The following MRPL46 variants were observed in gnomAD, a reference collection of about 807,000 sequenced individuals.
MRPL46 encodes mitochondrial ribosomal protein L46.
MRPL46 carries 26 observed loss-of-function variants against 31.0 expected under a neutral mutation model. The observed-to-expected ratio is 0.84, with a 90% CI of 0.61 to 1.16. MRPL46 has a LOEUF of 1.16. Among genes scored for constraint, MRPL46 ranks in the 50% most tolerant of loss-of-function variants. The pLI, the probability that MRPL46 is intolerant of heterozygous loss-of-function variation, is 0.00. For synonymous variants in MRPL46, 159 were observed against 141.3 expected, an observed-to-expected ratio of 1.13 and a Z score of -0.89; for missense variants, 395 against 340.0, an observed-to-expected ratio of 1.16 and a Z score of -1.27.
Position 88,459,754 on chromosome 15 carries a change from G to A in MRPL46, c.699C>T (p.Phe233=). 6.2e-7 allele frequency: 1 copy of A among 1,614,206 alleles called. No homozygotes were observed. Among genetic ancestry groups the A allele is most frequent in the Non-Finnish European group, 8.5e-7 (1 of 1,180,040 alleles). The change falls in exon 4 of 4, where the codon TTC becomes TTT. Residue 233 remains phenylalanine (F), a synonymous_variant. Transcript: ENST00000312475. ...CTCCAGTTAATAGCAGTGCTTTGAA[G>A]AAGAACACCTTGGCTCCGAGGTTAC... ...TESNLGAKVF[F]FKALLLTGDF... is the part of the protein sequence containing the mutation.
intron 1 of MRPL46, among the ~76,000 whole-genome samples, chr15:88,466,405 G>A (rs560574871): frequency 1.3e-5 from 2 of 152,248 alleles, no homozygotes; most frequent in African/African-American, 4.8e-5. Context: ...TTTGGTTACT[G>A]ACTGATCCCC....
At chr15:88,464,605 C>A in intron 3 of MRPL46, 98 bp downstream of exon 3, 1 of 975,794 alleles carries the variant, frequency 1.0e-6, no homozygotes, top group Non-Finnish European at 1.5e-6. Flanking sequence ...TTAACCTTCC[C>A]ACCCCCACCC....
chr15:88,459,894 G>A, intron 3 of MRPL46, 31 bp from the exon 4 acceptor site: 1 of 1,612,586 alleles, frequency 6.2e-7, no homozygotes, highest in Non-Finnish European at 8.5e-7. Context: ...AATCACAATT[G>A]GAAGGTAAGG....
intron 3 of MRPL46, chr15:88,464,349 G>A (rs2055502663): frequency 7.6e-6 from 2 of 262,102 alleles, no homozygotes; most frequent in African/African-American, 4.7e-5. Context: ...ATGAGGTCAA[G>A]GACAATTCTG....
intron 3 of MRPL46, 140 bp from the exon 4 acceptor site, chr15:88,460,003 A>T: frequency 9.2e-7 from 1 of 1,081,444 alleles, no homozygotes. Context: ...GACTAGAGCC[A>T]TTCCTGAAAA....
At chr15:88,464,425 C>A in intron 3 of MRPL46, 1 of 376,716 alleles carries the variant, frequency 2.7e-6, no homozygotes, top group Non-Finnish European at 4.8e-6. Context: ...GATAAGAAGA[C>A]AAGCAGGCTG....
In MRPL46 at chr15:88,467,171, C is replaced by T. The variant is rs764597330; in HGVS notation, c.207G>A (p.Glu69=). ...VSKPLTPLQE[E]MASLLQQIEI... The stretch of plus-strand genomic sequence containing the variant: ...CCACCTGCTGCAGTAGAGACGCCAT[C>T]TCTTCCTGCAATGGGGTCAACGGCT... Residue 69 remains glutamate, a synonymous_variant, in exon 1 of 4, where the codon GAG becomes GAA. Coordinates refer to ENST00000312475, the MANE Select transcript of MRPL46 (RefSeq NM_022163.4). 6.2e-7 allele frequency: 1 copy of T among 1,614,078 alleles called. No homozygotes were observed. The highest frequency in any genetic ancestry group is 8.5e-7 in the Non-Finnish European group (1 of 1,179,938).
rs369675051 is a variant in MRPL46 at position 88,466,476 on chromosome 15, C to T, written c.228+674G>A. 5.9e-5 allele frequency among the ~76,000 whole-genome samples: 9 copies of T among 152,234 alleles called. No homozygotes were observed. In the East Asian group the frequency reaches 1.2e-3, roughly 20 times the overall value. ...GCTACTTCTGCCTTATTCATTACAGCATCTCTATCACTTAACATACTCTCT... is the reference window on the plus strand; with the variant it reads ...GCTACTTCTGCCTTATTCATTACAGTATCTCTATCACTTAACATACTCTCT... On this transcript the variant is annotated intron_variant, in intron 1 of 3. Transcript: ENST00000312475.
chr15:88,462,527 G>A (rs377224569), intron 3 of MRPL46: 33 of 152,270 alleles, frequency 2.2e-4, no homozygotes, highest in African/African-American at 7.0e-4. Flanking sequence ...CTCACTAGAC[G>A]AGCAAAATTT....
At position 88,467,317 on chromosome 15, in the gene MRPL46, T is replaced by A. The variant is rs757194468; in HGVS notation, c.61A>T (p.Arg21Trp). The A allele has an allele frequency of 6.2e-7, 1 of 1,609,322 alleles. No homozygotes were observed. Among genetic ancestry groups the A allele is most frequent in the African/African-American group, 1.3e-5 (1 of 74,898 alleles). ...GAGCTTAGACTGCCGGCCCAGAGCC[T>A]CTCGAACCGCCGCCAACCCCCCGCC... The part of the protein sequence containing the change: ...GVAGGWRRFE[R>W]LWAGSLSSRS... The change falls in exon 1 of 4, where the codon AGG (arginine) becomes TGG (tryptophan). Residue 21 changes from arginine (R) to tryptophan (W), a missense_variant. Coordinates refer to ENST00000312475, the MANE Select transcript of MRPL46 (RefSeq NM_022163.4).
intron 1 of MRPL46, among the ~76,000 whole-genome samples, chr15:88,466,082 C>A (rs2055528117): frequency 6.6e-6 from 1 of 152,194 alleles, no homozygotes; most frequent in Non-Finnish European, 1.5e-5. Flanking sequence ...TCATGTCAGT[C>A]TTTGATCAGA....
intron 3 of MRPL46, 180 bp downstream of exon 3, chr15:88,464,523 A>AT (rs1227052108): frequency 3.2e-6 from 2 of 634,876 alleles, no homozygotes; most frequent in Admixed American, 3.5e-5. Context: ...AAAAATAAAA[A>AT]TAAAAAAAAA....
intron 1 of MRPL46, 98 bp downstream of exon 1, chr15:88,467,052 G>T: frequency 1.5e-6 from 2 of 1,344,428 alleles, no homozygotes; most frequent in Non-Finnish European, 2.1e-6. Flanking sequence ...GTACCATTCT[G>T]CGGATAAGTA....
At chr15:88,460,359 A>G (rs1007371932) in intron 3 of MRPL46, 1 of 159,256 alleles carries the variant, frequency 6.3e-6, no homozygotes, top group Non-Finnish European at 1.4e-5. Context: ...AACAAAGTTC[A>G]TCCACCTTTA....
At chr15:88,465,953 C>T (rs967107271) in intron 1 of MRPL46, among the ~76,000 whole-genome samples, 180 bp from the exon 2 acceptor site, 1 of 152,190 alleles carries the variant, frequency 6.6e-6, no homozygotes. Context: ...AAAAAAGGTC[C>T]TCTGAACTTT....
Position 88,459,860 on chromosome 15 carries a change from T to C in MRPL46, c.593A>G (p.Asn198Ser). The C allele has an allele frequency of 1.2e-6, 2 of 1,613,914 alleles. No individual in the cohort carries two copies. The highest frequency in any genetic ancestry group is 1.7e-6 in the Non-Finnish European group (2 of 1,179,852). ...TCCTAGGAACTTGGCTTCCATGTTG[T>C]TTTCTGAAGAGGGAGGAAAGAAAAA... ...AERTLATLSE[N>S]NMEAKFLGNA... The change falls in exon 4 of 4, where the codon AAC (asparagine) becomes AGC (serine). Residue 198 changes from asparagine (N) to serine (S), a missense_variant. Transcript: ENST00000312475.
At chr15:88,465,117 G>A in intron 2 of MRPL46, 1 of 441,044 alleles carries the variant, frequency 2.3e-6, no homozygotes, top group Non-Finnish European at 3.9e-6. Context: ...ACCATATTTT[G>A]AGTCTTCAAA....
Position 88,459,827 on chromosome 15 carries a change from G to A in MRPL46, c.626C>T (p.Pro209Leu), listed in dbSNP as rs2055460976. Residue 209 changes from proline (P) to leucine (L), a missense_variant, in exon 4 of 4, where the codon CCC becomes CTC. Transcript: ENST00000312475. ...GAACTTGAATGTGTAGTGCCCACAG[G>A]GTGCATTTCCTAGGAACTTGGCTTC... ...NMEAKFLGNAPCGHYTFKFPQ... is the reference protein window; with the variant it reads ...NMEAKFLGNALCGHYTFKFPQ... 1 of 1,614,140 alleles carries A rather than the reference G, an allele frequency of 6.2e-7. No homozygotes were observed. The highest frequency in any genetic ancestry group is 8.5e-7 in the Non-Finnish European group (1 of 1,180,026).
In MRPL46 at chr15:88,465,733, C is replaced by G; in HGVS notation, c.269G>C (p.Arg90Pro). The G allele has an allele frequency of 6.2e-7, 1 of 1,612,976 alleles. No homozygotes were observed. Among genetic ancestry groups the G allele is most frequent in the Non-Finnish European group, 8.5e-7 (1 of 1,179,804 alleles). The part of the protein sequence containing the change: ...ERSLYSDHEL[R>P]ALDENQRLAK... ...CAGTCGCTGGTTTTCATCCAGAGCA[C>G]GAAGCTCGTGGTCTGAATACAGGCT... The change falls in exon 2 of 4, where the codon CGT (arginine) becomes CCT (proline). Residue 90 changes from arginine (R) to proline (P), a missense_variant. Physicochemically the swap from Arg to Pro is moderately radical, Grantham distance 103 (BLOSUM62 -2). Coordinates refer to ENST00000312475, the MANE Select transcript of MRPL46 (RefSeq NM_022163.4).
Sources: allele counts gnomAD v4.1 joint callset (sites outside exome capture counted in the v4.1 genomes callset), GRCh38; gene constraint gnomAD v4.1.1; transcripts MANE v1.5; gene names NCBI Gene and HGNC (gene_info 2026-07-23, HGNC 2026-07-21).